OPCML: variants seen among roughly 807,000 people sequenced by gnomAD.
OPCML encodes opioid binding protein/cell adhesion molecule like, also known as opioid-binding protein/cell adhesion molecule.
A neutral mutation model predicts 37.8 loss-of-function variants in OPCML; 13 were observed. That is an observed-to-expected ratio of 0.34 (90% CI 0.22 to 0.55). The LOEUF (loss-of-function observed/expected upper bound fraction) is 0.55. Among genes scored for constraint, OPCML ranks in the 20% least tolerant of loss-of-function variants. The pLI is 0.91. For missense variants in OPCML, 341 were observed against 435.6 expected, an observed-to-expected ratio of 0.78 and a Z score of 1.93; for synonymous variants, 176 against 168.8, an observed-to-expected ratio of 1.04 and a Z score of -0.33.
At chr11:133,512,743 G>A (rs955707999) in intron 1 of OPCML, among the ~76,000 whole-genome samples, 7 of 152,128 alleles carry the variant, frequency 4.6e-5, no homozygotes, top group Non-Finnish European at 1.0e-4. Flanking sequence ...TAGGATCTCT[G>A]TCAGACTAGC....
chr11:133,080,259 C>T (rs1335095502), intron 1 of OPCML, among the ~76,000 whole-genome samples: 1 of 152,106 alleles, frequency 6.6e-6, no homozygotes, highest in Non-Finnish European at 1.5e-5. Flanking sequence ...CCTCATCACC[C>T]ATGCGGTCTT....
At chr11:132,895,978 C>G (rs1307549022) in intron 2 of OPCML, among the ~76,000 whole-genome samples, 1 of 152,086 alleles carries the variant, frequency 6.6e-6, no homozygotes, top group Non-Finnish European at 1.5e-5. Flanking sequence ...GGAATGCATA[C>G]TGAGAGTGTG....
intron 3 of OPCML, among the ~76,000 whole-genome samples, chr11:132,548,344 A>T (rs1000351760): frequency 1.3e-5 from 2 of 152,168 alleles, no homozygotes; most frequent in Admixed American, 1.3e-4. Context: ...TACAGAATTC[A>T]TGTTCTCCCT....
At chr11:133,310,954 A>G (rs1943054447) in intron 1 of OPCML, among the ~76,000 whole-genome samples, 1 of 152,210 alleles carries the variant, frequency 6.6e-6, no homozygotes. Flanking sequence ...TGAAATCCCC[A>G]TAACATTGCA....
chr11:132,647,030 A>G (rs1941185961), intron 3 of OPCML, among the ~76,000 whole-genome samples: 1 of 152,260 alleles, frequency 6.6e-6, no homozygotes, highest in Admixed American at 6.5e-5. Flanking sequence ...TGCCTTAAGC[A>G]GAGGCAACCT....
chr11:132,529,377 T>G, intron 3 of OPCML, 191 bp from the exon 4 acceptor site: 1 of 229,846 alleles, frequency 4.4e-6, no homozygotes, highest in Non-Finnish European at 7.2e-6. Context: ...GAAGGAGCTC[T>G]ATATTATACC....
At chr11:132,841,574 G>A (rs1267406361) in intron 2 of OPCML, among the ~76,000 whole-genome samples, 2 of 152,130 alleles carry the variant, frequency 1.3e-5, no homozygotes, top group African/African-American at 2.4e-5. Context: ...CAACACCCAT[G>A]TTAACCATTT....
chr11:133,160,438 T>C (rs1278172037), intron 1 of OPCML, among the ~76,000 whole-genome samples: 1 of 152,228 alleles, frequency 6.6e-6, no homozygotes, highest in African/African-American at 2.4e-5. Context: ...TTTACTGAAA[T>C]GCCTATTGGA....
chr11:132,539,605 T>C (rs1358778606), intron 3 of OPCML, among the ~76,000 whole-genome samples: 1 of 152,006 alleles, frequency 6.6e-6, no homozygotes, highest in African/African-American at 2.4e-5. Context: ...TGATAGATGA[T>C]GATGGTGATA....
intron 2 of OPCML, among the ~76,000 whole-genome samples, chr11:132,714,987 A>G (rs113987098): frequency 0.01 from 1,533 of 152,250 alleles, 38 homozygotes; most frequent in African/African-American, 0.034. Flanking sequence ...CAGAGGTTTC[A>G]ATCCCTGCTC....
intron 1 of OPCML, among the ~76,000 whole-genome samples, chr11:133,501,287 AC>A (rs141566894): frequency 4.0e-5 from 6 of 151,640 alleles, no homozygotes; most frequent in African/African-American, 9.7e-5. Context: ...CTTCCTAGGG[AC>A]CCCCCCACGG....
chr11:133,206,784 C>T lies in OPCML; in HGVS notation c.62-263774G>A, dbSNP rs998832410. ...ACTGCCTCGGCGGAGTCTTCTGGTC[C>T]GCAGGTTTGTGAATGGATGCAGCAC... is the stretch of plus-strand genomic sequence containing the variant. On this transcript the variant is annotated intron_variant, in intron 1 of 7. Transcript: ENST00000524381. This position sits in a 1 kb window ranked among gnomAD's most constrained non-coding sequence, Gnocchi z 4.7. Among the ~76,000 whole-genome samples the T allele has an allele frequency of 1.3e-5, 2 of 152,146 alleles. No homozygotes were observed. Among genetic ancestry groups the T allele is most frequent in the African/African-American group, 2.4e-5 (1 of 41,430 alleles).
intron 2 of OPCML, among the ~76,000 whole-genome samples, chr11:132,832,910 A>T (rs1005096701): frequency 4.6e-5 from 7 of 151,458 alleles, no homozygotes; most frequent in Non-Finnish European, 8.9e-5. Flanking sequence ...TACAGTAAAA[A>T]ATGTGATAAA....
At chr11:132,662,411 G>GC (rs1942016367) in intron 2 of OPCML, among the ~76,000 whole-genome samples, 1 of 76,150 alleles carries the variant, frequency 1.3e-5, no homozygotes, top group Admixed American at 1.4e-4. Flanking sequence ...CTTTGAAAAT[G>GC]CAAAAAAAAA....
chr11:133,338,895 C>T (rs894805092), intron 1 of OPCML, among the ~76,000 whole-genome samples: 1 of 152,144 alleles, frequency 6.6e-6, no homozygotes, highest in African/African-American at 2.4e-5. Flanking sequence ...TGGCTTTTCT[C>T]AAGACAGGGG....
At chr11:132,616,056 A>G (rs1565713985) in intron 3 of OPCML, among the ~76,000 whole-genome samples, 2 of 152,222 alleles carry the variant, frequency 1.3e-5, no homozygotes, top group Non-Finnish European at 2.9e-5. Context: ...AAGATACCTC[A>G]GGATATTTTT....
intron 1 of OPCML, among the ~76,000 whole-genome samples, chr11:133,481,444 A>T (rs7113556): frequency 0.21 from 30,856 of 150,134 alleles, 5,436 homozygotes; most frequent in African/African-American, 0.48. Context: ...CCCAGTTAAA[A>T]AAATAAATAA....
At chr11:133,169,233 C>G (rs1024654745) in intron 1 of OPCML, among the ~76,000 whole-genome samples, 2 of 152,162 alleles carry the variant, frequency 1.3e-5, no homozygotes, top group African/African-American at 4.8e-5. Flanking sequence ...TTCCCAATAT[C>G]GTACAGCTGG....
In OPCML at chr11:133,319,177, G is replaced by C. The variant is rs1943272577; in HGVS notation, c.61+213087C>G. On this transcript the variant is annotated intron_variant, in intron 1 of 7. Transcript: ENST00000524381. ...TCATTTTCACCTAGGATACCAATCAGAAAGAGTCTGTTCTTTTGGTGTCTT... is the reference window on the plus strand; with the variant it reads ...TCATTTTCACCTAGGATACCAATCACAAAGAGTCTGTTCTTTTGGTGTCTT... Among the ~76,000 whole-genome samples the C allele has an allele frequency of 2.0e-5, 3 of 152,186 alleles. No individual in the cohort carries two copies. The South Asian group carries it at 6.2e-4, about 32-fold the overall frequency.
Sources: allele counts gnomAD v4.1 joint callset (sites outside exome capture counted in the v4.1 genomes callset), GRCh38; gene constraint gnomAD v4.1.1; non-coding constraint Gnocchi (gnomAD v3.1); transcripts MANE v1.5; gene names NCBI Gene and HGNC (gene_info 2026-07-23, HGNC 2026-07-21).